The following ASAP1 variants were observed in gnomAD, a reference collection of about 807,000 sequenced individuals.
The protein encoded by ASAP1 is arf-GAP with SH3 domain, ANK repeat and PH domain-containing protein 1.
ASAP1 carries 43 observed loss-of-function variants against 145.2 expected under a neutral mutation model. The ratio of observed to expected loss-of-function variants is 0.30; its 90% CI spans 0.23 to 0.38. The LOEUF is 0.38. Ranked by LOEUF, ASAP1 falls within the 10% of genes least tolerant of loss-of-function variation. The pLI is 1.00. For missense variants in ASAP1, 1,018 were observed against 1,355.3 expected (o/e 0.75, Z 3.91); for synonymous variants, 546 against 515.5 (o/e 1.06, Z -0.80).
chr8:130,228,450 C>G (rs1817711650), intron 4 of ASAP1, among the ~76,000 whole-genome samples: 1 of 152,060 alleles, frequency 6.6e-6, no homozygotes, highest in African/African-American at 2.4e-5. Context: ...CGCTGGTAAT[C>G]AGAGCTTTGG....
chr8:130,213,395 A>G (rs1005644508), intron 5 of ASAP1, among the ~76,000 whole-genome samples: 3 of 152,234 alleles, frequency 2.0e-5, no homozygotes. Context: ...CTGGCCAAAT[A>G]GGTTAATGGA....
chr8:130,326,637 C>T (rs548855021), intron 3 of ASAP1, among the ~76,000 whole-genome samples: 1 of 152,190 alleles, frequency 6.6e-6, no homozygotes, highest in Admixed American at 6.5e-5. Flanking sequence ...CGGAGGCCAA[C>T]AAAGAGTAGA....
At chr8:130,091,750 G>A (rs2097505893) in intron 25 of ASAP1, among the ~76,000 whole-genome samples, 2 of 152,188 alleles carry the variant, frequency 1.3e-5, no homozygotes, top group Admixed American at 1.3e-4. Flanking sequence ...GTAAGATTTA[G>A]GAAGTGCTCA....
intron 2 of ASAP1, among the ~76,000 whole-genome samples, chr8:130,369,768 G>C (rs1827126405): frequency 6.6e-6 from 1 of 152,298 alleles, no homozygotes. Context: ...CACATTGCTG[G>C]TAGGAATGTA....
intron 3 of ASAP1, among the ~76,000 whole-genome samples, chr8:130,327,887 G>A (rs77580775): frequency 2.6e-5 from 4 of 152,180 alleles, no homozygotes; most frequent in Non-Finnish European, 2.9e-5. Context: ...AGTATGCTAC[G>A]TGAATTAAGC....
intron 8 of ASAP1, among the ~76,000 whole-genome samples, chr8:130,179,814 CTAAT>C (rs1586531030): frequency 6.6e-6 from 1 of 152,060 alleles, no homozygotes; most frequent in Admixed American, 6.5e-5. Context: ...GAATAACCCA[CTAAT>C]TTATTGAGGT....
intron 2 of ASAP1, among the ~76,000 whole-genome samples, chr8:130,362,932 G>C (rs1229570973): frequency 6.6e-6 from 1 of 152,206 alleles, no homozygotes; most frequent in African/African-American, 2.4e-5. Flanking sequence ...ACTTCTAGGG[G>C]ATGATAGCAT....
intron 2 of ASAP1, among the ~76,000 whole-genome samples, chr8:130,378,583 G>C (rs143793043): frequency 5.9e-5 from 9 of 152,320 alleles, no homozygotes; most frequent in African/African-American, 2.2e-4. Flanking sequence ...CAGACGGGTA[G>C]GCAAGGGTGG....
At chr8:130,407,847 T>C (rs1474416466) in intron 1 of ASAP1, among the ~76,000 whole-genome samples, 2 of 152,198 alleles carry the variant, frequency 1.3e-5, no homozygotes, top group African/African-American at 4.8e-5. Flanking sequence ...ATTTGTATCC[T>C]TTTATAGAGG....
chr8:130,435,284 C>G (rs1830274597), intron 1 of ASAP1, among the ~76,000 whole-genome samples: 1 of 152,224 alleles, frequency 6.6e-6, no homozygotes, highest in African/African-American at 2.4e-5. Flanking sequence ...TGATATTCTT[C>G]AGCATCTTAG....
At chr8:130,367,142 G>A (rs763191974) in intron 2 of ASAP1, among the ~76,000 whole-genome samples, 12 of 151,426 alleles carry the variant, frequency 7.9e-5, no homozygotes, top group Admixed American at 2.0e-4. Flanking sequence ...TGCCTGTCTC[G>A]GCCTCCCAAA....
intron 12 of ASAP1, 114 bp downstream of exon 12, chr8:130,159,749 TA>T: frequency 1.3e-6 from 1 of 795,302 alleles, no homozygotes. Context: ...ACCAGTGTGC[TA>T]AAGGTCTGCA....
At chr8:130,329,991 G>C (rs1824577801) in intron 3 of ASAP1, among the ~76,000 whole-genome samples, 2 of 152,196 alleles carry the variant, frequency 1.3e-5, no homozygotes, top group Admixed American at 1.3e-4. Context: ...TGATGTTACA[G>C]CTAGTGTCAC....
At chr8:130,125,557 G>T (rs2097573656) in intron 17 of ASAP1, among the ~76,000 whole-genome samples, 1 of 151,888 alleles carries the variant, frequency 6.6e-6, no homozygotes, top group African/African-American at 2.4e-5. Context: ...TACAAACTTA[G>T]AAATAATAAA....
chr8:130,211,413 C>A (rs1816572469), intron 5 of ASAP1, among the ~76,000 whole-genome samples: 1 of 152,260 alleles, frequency 6.6e-6, no homozygotes, highest in Admixed American at 6.5e-5. Flanking sequence ...TCTATAATCA[C>A]AGACAGTTCA....
intron 9 of ASAP1, among the ~76,000 whole-genome samples, chr8:130,175,292 C>T (rs959176061): frequency 4.6e-5 from 7 of 152,152 alleles, no homozygotes; most frequent in African/African-American, 1.7e-4. Context: ...GTCATTATGG[C>T]TCACTGCAGC....
At chr8:130,097,817 G>A (rs1018530061) in intron 24 of ASAP1, among the ~76,000 whole-genome samples, 2 of 152,122 alleles carry the variant, frequency 1.3e-5, no homozygotes, top group African/African-American at 4.8e-5. Context: ...ATGGGAAATC[G>A]ATATATTCTT....
At chr8:130,395,966 A>G (rs1319061860) in intron 2 of ASAP1, among the ~76,000 whole-genome samples, 2 of 152,096 alleles carry the variant, frequency 1.3e-5, no homozygotes, top group Non-Finnish European at 2.9e-5. Context: ...GCGCCTGGCC[A>G]TATTTCTGTT....
intron 3 of ASAP1, among the ~76,000 whole-genome samples, chr8:130,275,850 T>G (rs976046294): frequency 1.3e-5 from 2 of 152,200 alleles, no homozygotes; most frequent in African/African-American, 4.8e-5. Flanking sequence ...TGTAAAAAAC[T>G]ACATTCCTCA....
Sources: gnomAD v4.1 joint callset for allele counts (sites outside exome capture counted in the v4.1 genomes callset) on GRCh38, gnomAD v4.1.1 for gene constraint, MANE v1.5 for transcripts, NCBI Gene and HGNC (gene_info 2026-07-23, HGNC 2026-07-21) for gene names.